The following LETM1 variants were observed in gnomAD, a reference collection of about 807,000 sequenced individuals.
The protein encoded by LETM1 is mitochondrial proton/calcium exchanger protein.
In LETM1, 50 loss-of-function variants were observed where a neutral mutation model predicts 74.5. The observed-to-expected ratio is 0.67, with a 90% CI of 0.53 to 0.85. The LOEUF (loss-of-function observed/expected upper bound fraction) is 0.85, where lower values mean the gene tolerates loss of function less well. Among genes scored for constraint, LETM1 ranks in the 40% least tolerant of loss-of-function variants. The probability of loss-of-function intolerance (pLI) is 0.00; values close to 1 mark genes in which losing one functional copy is unlikely to be tolerated. For synonymous variants in LETM1, 446 were observed against 407.1 expected (o/e 1.10, Z -1.15); for missense variants, 824 against 967.8 (o/e 0.85, Z 1.97).
intron 1 of LETM1, among the ~76,000 whole-genome samples, chr4:1,850,894 G>A (rs1009514925): frequency 1.7e-4 from 25 of 151,018 alleles, no homozygotes; most frequent in Non-Finnish European, 2.4e-4. Context: ...TGAACCCTCC[G>A]GGAGGCAGAG....
chr4:1,840,707 A>G (rs1011162105), intron 3 of LETM1, among the ~76,000 whole-genome samples: 1 of 150,258 alleles, frequency 6.7e-6, no homozygotes, highest in Admixed American at 6.6e-5. Context: ...AAATAATAAT[A>G]ATAAAAAAAA....
intron 5 of LETM1, 86 bp from the exon 6 acceptor site, chr4:1,833,033 G>T: frequency 8.3e-7 from 1 of 1,205,882 alleles, no homozygotes; most frequent in Non-Finnish European, 1.2e-6. Flanking sequence ...AAAGGGTGCT[G>T]CCTCTCATCC....
chr4:1,817,797 G>A (rs1452837299), intron 11 of LETM1, among the ~76,000 whole-genome samples: 3 of 151,906 alleles, frequency 2.0e-5, no homozygotes, highest in Non-Finnish European at 4.4e-5. Context: ...TTTGAGATAG[G>A]GTCTTGCTCT....
chr4:1,828,515 C>A (rs1577316267), intron 6 of LETM1, among the ~76,000 whole-genome samples: 1 of 128,360 alleles, frequency 7.8e-6, no homozygotes, highest in Non-Finnish European at 1.7e-5. Flanking sequence ...CTGACCCCCC[C>A]CCCCACCTCC....
At chr4:1,843,893 G>A (rs1032615907) in intron 2 of LETM1, among the ~76,000 whole-genome samples, 11 of 152,214 alleles carry the variant, frequency 7.2e-5, no homozygotes, top group Admixed American at 7.2e-4. Flanking sequence ...CGCAGGCTCA[G>A]ACTGCCCCCT....
chr4:1,828,838 C>T (rs1333497291), intron 6 of LETM1, among the ~76,000 whole-genome samples: 154 of 110,892 alleles, frequency 1.4e-3, no homozygotes, highest in African/African-American at 5.1e-3. Context: ...CCCTCCCGGA[C>T]GGGGCGGCTG....
chr4:1,842,872 T>G (rs192158748), intron 2 of LETM1: 4 of 203,750 alleles, frequency 2.0e-5, no homozygotes, highest in Admixed American at 1.7e-4. Flanking sequence ...CACACCACCA[T>G]TTACAGTCCA....
intron 3 of LETM1, among the ~76,000 whole-genome samples, chr4:1,838,922 C>A (rs1712582165): frequency 6.6e-6 from 1 of 152,140 alleles, no homozygotes; most frequent in Non-Finnish European, 1.5e-5. Context: ...CTACATCACA[C>A]AAGGTTTACC....
At position 1,854,516 on chromosome 4, in the gene LETM1, G is replaced by C. The variant is rs994934069; in HGVS notation, c.82+1353C>G. On this transcript the variant is annotated intron_variant, in intron 1 of 13. Transcript: ENST00000302787. Reference sequence around the variant, plus strand: ...AAAAAAATTACAAGAATTGGGGGCCGGGCGCGGTGGCTCACGCCTGTAATC... The same window carrying C: ...AAAAAAATTACAAGAATTGGGGGCCCGGCGCGGTGGCTCACGCCTGTAATC... Among the ~76,000 whole-genome samples the C allele has an allele frequency of 6.5e-5, 9 of 138,482 alleles. No homozygotes were observed. The South Asian group carries it at 1.9e-3, about 29-fold the overall frequency. The allele number at this position is 138,482 out of a possible 152,430, so 90.8% of individuals were successfully genotyped here.
At chr4:1,845,062 C>T (rs999500669) in intron 2 of LETM1, among the ~76,000 whole-genome samples, 4 of 151,770 alleles carry the variant, frequency 2.6e-5, no homozygotes, top group Non-Finnish European at 5.9e-5. Flanking sequence ...TGGTGGCACA[C>T]GCCTATCATC....
chr4:1,822,383 C>A, intron 9 of LETM1, 71 bp from the exon 10 acceptor site: 1 of 1,356,746 alleles, frequency 7.4e-7, no homozygotes, highest in South Asian at 1.9e-5. Context: ...CCCCGAAGCT[C>A]AGAACATATG....
At position 1,830,507 on chromosome 4, in the gene LETM1, T is replaced by A. The variant is rs896989753; in HGVS notation, c.1080+2237A>T. Among the ~76,000 whole-genome samples the A allele has an allele frequency of 1.1e-4, 17 of 152,170 alleles. 1 individual carries two copies. The highest frequency in any genetic ancestry group is 1.5e-5 in the Non-Finnish European group (1 of 68,016). ...CATCAAGCCCAGCTAATTTTTAAAT[T>A]TTTTTGTAGAGGTGGGGGGTCTCAC... On this transcript the variant is annotated intron_variant, in intron 6 of 13. Coordinates refer to ENST00000302787, the MANE Select transcript of LETM1 (RefSeq NM_012318.3).
At chr4:1,817,521 A>G (rs1465153626) in intron 11 of LETM1, among the ~76,000 whole-genome samples, 1 of 152,188 alleles carries the variant, frequency 6.6e-6, no homozygotes, top group Non-Finnish European at 1.5e-5. Context: ...AGATCACATC[A>G]CTGCACTTCA....
At chr4:1,843,999 C>A (rs1712794264) in intron 2 of LETM1, among the ~76,000 whole-genome samples, 1 of 152,224 alleles carries the variant, frequency 6.6e-6, no homozygotes, top group South Asian at 2.1e-4. Context: ...CTGCATCAAG[C>A]TGAATTACAC....
In LETM1 at chr4:1,832,909, G is replaced by A. The variant is rs1427921071; in HGVS notation, c.915C>T (p.Ile305=). The A allele has an allele frequency of 1.2e-6, 2 of 1,612,680 alleles. No homozygotes were observed. The highest frequency in any genetic ancestry group is 3.3e-5 in the Admixed American group (2 of 59,998). Residue 305 remains isoleucine, a synonymous_variant, in exon 6 of 14, where the codon ATC becomes ATT. Transcript: ENST00000302787. ...ETGERPSNEE[I]MRFSKLFEDE... ...CCTCAAATAATTTGGAAAAACGCAT[G>A]ATTTCCTCATTGCTGGGCCTCTCCC... is the stretch of plus-strand genomic sequence containing the variant.
intron 3 of LETM1, among the ~76,000 whole-genome samples, chr4:1,837,621 T>C (rs976854026): frequency 4.6e-5 from 7 of 152,074 alleles, no homozygotes; most frequent in Non-Finnish European, 8.8e-5. Context: ...ACCATAACAT[T>C]CAACTATTTT....
At chr4:1,831,589 C>G (rs2108845439) in intron 6 of LETM1, among the ~76,000 whole-genome samples, 1 of 152,398 alleles carries the variant, frequency 6.6e-6, no homozygotes, top group South Asian at 2.1e-4. Context: ...AGCCCCCCAC[C>G]TGGTCTCCAC....
At chr4:1,826,835 G>C (rs1712006184) in intron 6 of LETM1, among the ~76,000 whole-genome samples, 1 of 152,364 alleles carries the variant, frequency 6.6e-6, no homozygotes, top group Admixed American at 6.5e-5. Context: ...AGTCTGTGCA[G>C]CATTTTCAGT....
intron 1 of LETM1, among the ~76,000 whole-genome samples, chr4:1,854,703 G>C (rs1713180495): frequency 6.6e-6 from 1 of 152,016 alleles, no homozygotes; most frequent in South Asian, 2.1e-4. Flanking sequence ...TGAGGTAAGA[G>C]AATCACTTGA....
Sources: gnomAD v4.1 joint callset for allele counts (sites outside exome capture counted in the v4.1 genomes callset) on GRCh38, gnomAD v4.1.1 for gene constraint, MANE v1.5 for transcripts, NCBI Gene and HGNC (gene_info 2026-07-23, HGNC 2026-07-21) for gene names.